The following PTPRT variants were observed in gnomAD, a reference collection of about 807,000 sequenced individuals.
PTPRT encodes receptor-type tyrosine-protein phosphatase T.
In PTPRT, 56 loss-of-function variants were observed where a neutral mutation model predicts 176.8. That is an observed-to-expected ratio of 0.32 (90% CI 0.26 to 0.40). PTPRT has a LOEUF of 0.40. Among genes scored for constraint, PTPRT ranks in the 10% least tolerant of loss-of-function variants. PTPRT has a pLI of 1.00. For missense variants in PTPRT, 1,540 were observed against 1,908.2 expected (o/e 0.81, Z 3.60); for synonymous variants, 783 against 739.0 (o/e 1.06, Z -0.96).
chr20:43,051,186 T>G (rs6103135), intron 1 of PTPRT, among the ~76,000 whole-genome samples: 2,773 of 152,346 alleles, frequency 0.018, 79 homozygotes, highest in African/African-American at 0.063. Flanking sequence ...ACCTGAAATC[T>G]GGACCACTCC....
chr20:42,413,521 C>T (rs370371927), intron 9 of PTPRT, among the ~76,000 whole-genome samples: 36 of 152,154 alleles, frequency 2.4e-4, no homozygotes, highest in South Asian at 1.9e-3. Context: ...TGAATATGGA[C>T]GCAAAAATTT....
chr20:42,040,232 C>CT, the PTPRT span, among the ~76,000 whole-genome samples: 1 of 152,164 alleles, frequency 6.6e-6, no homozygotes, highest in Non-Finnish European at 1.5e-5. Context: ...ACAGAGTTGC[C>CT]TTCCAACCTA....
At chr20:42,165,625 G>A (rs910373507) in intron 16 of PTPRT, among the ~76,000 whole-genome samples, 1 of 152,204 alleles carries the variant, frequency 6.6e-6, no homozygotes, top group East Asian at 1.9e-4. Context: ...GCAATTTGGT[G>A]GCCACTAATC....
chr20:42,956,653 A>G (rs994956352), intron 1 of PTPRT, among the ~76,000 whole-genome samples: 1 of 151,950 alleles, frequency 6.6e-6, no homozygotes, highest in Non-Finnish European at 1.5e-5. Flanking sequence ...GGCCTAACAC[A>G]CTAGAGCACC....
intron 26 of PTPRT, among the ~76,000 whole-genome samples, chr20:42,098,983 C>T (rs926626675): frequency 6.6e-6 from 1 of 152,246 alleles, no homozygotes; most frequent in African/African-American, 2.4e-5. Context: ...CCCAAAGGGG[C>T]AGGCTCCCTT....
chr20:42,930,481 T>C lies in PTPRT; in HGVS notation c.89-44549A>G, dbSNP rs117257586. On this transcript the variant is annotated intron_variant, in intron 1 of 30. Transcript: ENST00000373187. ...CTTTACTTTTTTTACTTATTTCTATTTAATTAATTTTTTTTTTTAGGAATA... is the reference window on the plus strand; with the variant it reads ...CTTTACTTTTTTTACTTATTTCTATCTAATTAATTTTTTTTTTTAGGAATA... Among the ~76,000 whole-genome samples the C allele has an allele frequency of 3.4e-3, 518 of 150,806 alleles. 1 individual carries two copies. Among genetic ancestry groups the C allele is most frequent in the Admixed American group, 6.3e-3 (96 of 15,224 alleles).
At chr20:42,634,770 A>G (rs2074556842) in intron 7 of PTPRT, among the ~76,000 whole-genome samples, 1 of 152,176 alleles carries the variant, frequency 6.6e-6, no homozygotes, top group Non-Finnish European at 1.5e-5. Context: ...AAATGTATAT[A>G]TGACCAGACT....
intron 1 of PTPRT, among the ~76,000 whole-genome samples, chr20:42,991,486 C>T (rs1219348656): frequency 6.6e-6 from 1 of 151,820 alleles, no homozygotes; most frequent in African/African-American, 2.4e-5. Context: ...TATGATTCCA[C>T]TTCCATGAGT....
intron 6 of PTPRT, among the ~76,000 whole-genome samples, chr20:42,694,274 G>A (rs1266942174): frequency 2.0e-5 from 3 of 151,960 alleles, no homozygotes; most frequent in African/African-American, 4.8e-5. Context: ...TCCTGACCTC[G>A]TGATCCACCT....
chr20:42,236,069 A>C (rs2056235529), intron 15 of PTPRT, among the ~76,000 whole-genome samples, 160 bp downstream of exon 15: 1 of 152,254 alleles, frequency 6.6e-6, no homozygotes, highest in Non-Finnish European at 1.5e-5. Flanking sequence ...GTGCACTTTC[A>C]AATGTAACAC....
At chr20:43,185,440 ATGT>A (rs1192330740) in intron 1 of PTPRT, among the ~76,000 whole-genome samples, 1 of 152,174 alleles carries the variant, frequency 6.6e-6, no homozygotes, top group Non-Finnish European at 1.5e-5. Context: ...ATGCATCCAA[ATGT>A]TGTGTCCTGA....
chr20:42,982,716 C>T (rs1221477796), intron 1 of PTPRT, among the ~76,000 whole-genome samples: 1 of 152,142 alleles, frequency 6.6e-6, no homozygotes, highest in Non-Finnish European at 1.5e-5. Flanking sequence ...ACCTGGTTGC[C>T]TCCCAGGTCC....
At chr20:43,024,952 C>T (rs1282430902) in intron 1 of PTPRT, among the ~76,000 whole-genome samples, 2 of 152,242 alleles carry the variant, frequency 1.3e-5, no homozygotes, top group African/African-American at 4.8e-5. Flanking sequence ...CTTGACCATG[C>T]TGTTCCCTGG....
intron 1 of PTPRT, among the ~76,000 whole-genome samples, chr20:43,006,028 A>G (rs1176097148): frequency 1.3e-5 from 2 of 152,230 alleles, no homozygotes; most frequent in Non-Finnish European, 2.9e-5. Flanking sequence ...AACAATGTGT[A>G]GTTGGACCCT....
chr20:42,502,055 A>G (rs1033139924), intron 7 of PTPRT, among the ~76,000 whole-genome samples: 1 of 152,090 alleles, frequency 6.6e-6, no homozygotes, highest in Non-Finnish European at 1.5e-5. Context: ...GAAGATTTTC[A>G]ATTATTGATT....
At chr20:43,080,204 T>C (rs113055012) in intron 1 of PTPRT, among the ~76,000 whole-genome samples, 37 of 152,270 alleles carry the variant, frequency 2.4e-4, no homozygotes, top group South Asian at 1.5e-3. Flanking sequence ...AAGCTGACAC[T>C]TGGAGCCATT....
At chr20:42,757,286 C>T (rs2145409363) in intron 5 of PTPRT, among the ~76,000 whole-genome samples, 1 of 152,266 alleles carries the variant, frequency 6.6e-6, no homozygotes, top group South Asian at 2.1e-4. Flanking sequence ...GAACTCATAG[C>T]ATTCTTTCAG....
chr20:42,036,542 T>G, the PTPRT span, among the ~76,000 whole-genome samples: 16 of 152,316 alleles, frequency 1.1e-4, no homozygotes, highest in Non-Finnish European at 5.9e-5. Flanking sequence ...CCATTCTACT[T>G]TATTGCACCT....
intron 12 of PTPRT, among the ~76,000 whole-genome samples, chr20:42,285,269 T>C (rs778211470): frequency 1.3e-5 from 2 of 152,108 alleles, no homozygotes; most frequent in Admixed American, 6.6e-5. Flanking sequence ...TGAGAAATTG[T>C]GTAGACTGGG....
Sources: gnomAD v4.1 joint callset for allele counts (sites outside exome capture counted in the v4.1 genomes callset) on GRCh38, gnomAD v4.1.1 for gene constraint, MANE v1.5 for transcripts, NCBI Gene and HGNC (gene_info 2026-07-23, HGNC 2026-07-21) for gene names.